APBB2: variants seen among roughly 807,000 people sequenced by gnomAD.
APBB2 encodes Fe65-like 1.
In APBB2, 38 loss-of-function variants were observed where a neutral mutation model predicts 82.5. The observed-to-expected ratio is 0.46, with a 90% CI of 0.36 to 0.60. APBB2 has a LOEUF of 0.60. Among genes scored for constraint, APBB2 ranks in the 20% least tolerant of loss-of-function variants. The pLI is 0.00. For synonymous variants in APBB2, 341 were observed against 368.2 expected (o/e 0.93, Z 0.85); for missense variants, 772 against 972.3 (o/e 0.79, Z 2.74).
rs1809226860 is a variant in APBB2, at chr4:41,014,210, A to AT, written c.207dup (p.Tyr70IlefsTer5). 6.2e-7 allele frequency: 1 copy of AT among 1,613,724 alleles called. No individual in the cohort carries two copies. The highest frequency in any genetic ancestry group is 1.7e-5 in the Admixed American group (1 of 59,978). ...GCCGCCTGGATGTTAGTTAGTGCATATTTTTTCCTGCATTTGGGAGGTGTG... is the reference window on the plus strand; with the variant it reads ...GCCGCCTGGATGTTAGTTAGTGCATATTTTTTTCCTGCATTTGGGAGGTGTG... On this transcript the variant is annotated frameshift_variant, in exon 6 of 18. Transcript: ENST00000508593. LOFTEE classifies it high-confidence loss of function.
At chr4:41,166,268 G>A (rs940474346) in intron 1 of APBB2, among the ~76,000 whole-genome samples, 1 of 152,218 alleles carries the variant, frequency 6.6e-6, no homozygotes, top group Admixed American at 6.5e-5. Flanking sequence ...AGGCTTGGTA[G>A]CTCACGCCTG....
chr4:40,928,296 A>G (rs1783146640), intron 10 of APBB2, among the ~76,000 whole-genome samples: 1 of 151,968 alleles, frequency 6.6e-6, no homozygotes, highest in Non-Finnish European at 1.5e-5. Context: ...TAATCCCAGC[A>G]CTTTGGGAGG....
chr4:41,130,069 G>A (rs1755544478), intron 2 of APBB2, among the ~76,000 whole-genome samples: 1 of 152,142 alleles, frequency 6.6e-6, no homozygotes, highest in African/African-American at 2.4e-5. Context: ...ATCTGGGGAA[G>A]AGAACACAAG....
chr4:41,028,642 T>C (rs915278099), intron 5 of APBB2, among the ~76,000 whole-genome samples: 2 of 152,252 alleles, frequency 1.3e-5, no homozygotes, highest in Non-Finnish European at 2.9e-5. Flanking sequence ...GATAGATTTA[T>C]GTGTTTATTT....
intron 12 of APBB2, among the ~76,000 whole-genome samples, chr4:40,879,547 A>T (rs1767837973): frequency 6.6e-6 from 1 of 152,222 alleles, no homozygotes; most frequent in South Asian, 2.1e-4. Flanking sequence ...CTCTATGAAG[A>T]GTCACCAACT....
chr4:41,027,364 CATATATATATATATATATATATAT>C lies in APBB2; in HGVS notation c.19+5848_19+5871del, dbSNP rs36224955. The stretch of plus-strand genomic sequence containing the variant: ...TTATATTTTTATAAACATATTGTTA[CATATATATATATATATATATATAT>C]ATATATATATATATATAACATTTTC... On this transcript the variant is annotated intron_variant, in intron 5 of 17. Transcript: ENST00000508593. Among the ~76,000 whole-genome samples, 822 of 127,382 alleles carry C rather than the reference CATATATATATATATATATATATAT, an allele frequency of 6.5e-3. 18 individuals carry two copies. Among genetic ancestry groups the C allele is most frequent in the African/African-American group, 0.021 (699 of 34,062 alleles). 83.6% of individuals were successfully genotyped at this position (127,382 alleles called of 152,430 possible).
At chr4:41,128,648 T>C (rs1755099907) in intron 2 of APBB2, among the ~76,000 whole-genome samples, 1 of 152,204 alleles carries the variant, frequency 6.6e-6, no homozygotes, top group Non-Finnish European at 1.5e-5. Context: ...TTATACTCTG[T>C]ATCAGGCAGT....
rs1794826618 is a variant in APBB2 at position 40,967,037 on chromosome 4, G to A, written c.836-21964C>T. ...AGTCAGCATGCACTTCCTCCCCTCT[G>A]AAGCCCATAAAAACCCCAGGTTCAG... On this transcript the variant is annotated intron_variant, in intron 6 of 17. Coordinates refer to ENST00000508593, the MANE Select transcript of APBB2 (RefSeq NM_004307.2). Among the ~76,000 whole-genome samples, 3 of 152,122 alleles carry A rather than the reference G, an allele frequency of 2.0e-5. 1 individual carries two copies. The highest frequency in any genetic ancestry group is 4.1e-4 in the South Asian group (2 of 4,830).
intron 6 of APBB2, among the ~76,000 whole-genome samples, chr4:40,967,555 C>A (rs1046757044): frequency 6.6e-6 from 1 of 152,214 alleles, no homozygotes; most frequent in Non-Finnish European, 1.5e-5. Flanking sequence ...CACAGCCTCA[C>A]AGGGAGCCAG....
At chr4:40,910,657 C>CA (rs1363715221) in intron 10 of APBB2, among the ~76,000 whole-genome samples, 4 of 152,214 alleles carry the variant, frequency 2.6e-5, no homozygotes, top group African/African-American at 9.7e-5. Context: ...TCTGTATACC[C>CA]ACCACCCAAA....
At chr4:40,892,339 GAAGAA>G (rs747478896) in intron 11 of APBB2, 1 of 152,220 alleles carries the variant, frequency 6.6e-6, no homozygotes, top group Non-Finnish European at 1.5e-5. Flanking sequence ...TTCTTGGATG[GAAGAA>G]AATTCTTCCA....
chr4:40,892,503 A>G (rs1397087466), intron 11 of APBB2: 3 of 152,226 alleles, frequency 2.0e-5, no homozygotes, highest in Admixed American at 6.5e-5. Flanking sequence ...TGGAGTCCCA[A>G]TCAGCCCAAC....
intron 2 of APBB2, among the ~76,000 whole-genome samples, chr4:41,130,371 C>T (rs1463093500): frequency 1.3e-5 from 2 of 152,134 alleles, no homozygotes; most frequent in East Asian, 3.9e-4. Context: ...AGCGTAGATC[C>T]ATTGCTGCCC....
At chr4:40,964,992 T>C (rs1167775854) in intron 6 of APBB2, among the ~76,000 whole-genome samples, 24 of 152,160 alleles carry the variant, frequency 1.6e-4, no homozygotes, top group East Asian at 9.7e-4. Flanking sequence ...TGGTGGCACG[T>C]GCCTGTAGTC....
At chr4:40,852,086 G>A (rs956712301) in intron 12 of APBB2, among the ~76,000 whole-genome samples, 20 of 152,090 alleles carry the variant, frequency 1.3e-4, no homozygotes, top group Admixed American at 1.2e-3. Flanking sequence ...GGGGCCGGGC[G>A]CAGTGGCTCA....
chr4:40,965,216 A>G (rs1278567906), intron 6 of APBB2, among the ~76,000 whole-genome samples: 6 of 152,212 alleles, frequency 3.9e-5, no homozygotes, highest in Non-Finnish European at 8.8e-5. Context: ...AGTCCATTAA[A>G]TAAGAGGGAT....
At chr4:40,869,171 G>T (rs566617591) in intron 12 of APBB2, among the ~76,000 whole-genome samples, 1 of 152,242 alleles carries the variant, frequency 6.6e-6, no homozygotes, top group Non-Finnish European at 1.5e-5. Context: ...TGGGATTACA[G>T]GCACCTGCCT....
At chr4:40,933,219 C>T (rs908692443) in intron 10 of APBB2, among the ~76,000 whole-genome samples, 3 of 152,214 alleles carry the variant, frequency 2.0e-5, no homozygotes, top group Non-Finnish European at 4.4e-5. Flanking sequence ...CATGGGGATA[C>T]TTGTAAGTGC....
intron 5 of APBB2, among the ~76,000 whole-genome samples, chr4:41,016,007 A>G (rs1809815142): frequency 6.6e-6 from 1 of 152,202 alleles, no homozygotes; most frequent in Non-Finnish European, 1.5e-5. Flanking sequence ...TTATAATTTA[A>G]TTTCACTCAA....
Sources: gnomAD v4.1 joint callset for allele counts (sites outside exome capture counted in the v4.1 genomes callset) on GRCh38, gnomAD v4.1.1 for gene constraint, MANE v1.5 for transcripts, NCBI Gene and HGNC (gene_info 2026-07-23, HGNC 2026-07-21) for gene names.